TPP2: variants seen among roughly 807,000 people sequenced by gnomAD.
The protein encoded by TPP2 is tripeptidyl-peptidase 2.
In TPP2, 34 loss-of-function variants were observed where a neutral mutation model predicts 155.9. That is an observed-to-expected ratio of 0.22 (90% CI 0.17 to 0.29). TPP2 has a LOEUF of 0.29. TPP2 is among the 10% of genes least tolerant of loss of function. The probability of loss-of-function intolerance (pLI) is 1.00; values close to 1 mark genes in which losing one functional copy is unlikely to be tolerated. For missense variants in TPP2, 1,028 were observed against 1,522.3 expected (o/e 0.68, Z 5.40); for synonymous variants, 510 against 529.4 (o/e 0.96, Z 0.50).
At chr13:102,638,366 C>G in intron 15 of TPP2, 51 bp downstream of exon 15, 2 of 1,550,496 alleles carry the variant, frequency 1.3e-6, no homozygotes, top group Admixed American at 1.7e-5. Flanking sequence ...ATTTTAATGA[C>G]TATTCATGGA....
In TPP2 at chr13:102,636,401, T is replaced by C. The variant is rs1335937390; in HGVS notation, c.1678+9T>C. On this transcript the variant is annotated intron_variant, in intron 13 of 29. Transcript: ENST00000376052. ...ATTTCCGGAGAACACAGGTCAGTAA[T>C]AGGCTGGCAGTAAGCTGACGTATTC... 4 of 1,606,406 alleles carry C rather than the reference T, an allele frequency of 2.5e-6. 1 individual carries two copies. The highest frequency in any genetic ancestry group is 3.4e-6 in the Non-Finnish European group (4 of 1,177,424).
intron 16 of TPP2, among the ~76,000 whole-genome samples, chr13:102,641,126 C>G (rs1882738741): frequency 6.6e-6 from 1 of 152,192 alleles, no homozygotes; most frequent in African/African-American, 2.4e-5. Flanking sequence ...ACACAAAGCT[C>G]TTGAATTAAC....
intron 1 of TPP2, among the ~76,000 whole-genome samples, chr13:102,603,170 G>A (rs1327885215): frequency 6.6e-6 from 1 of 152,196 alleles, no homozygotes; most frequent in African/African-American, 2.4e-5. Flanking sequence ...TTAGTGCTAA[G>A]TAACTTGTGT....
At chr13:102,626,454 C>T (rs1388934455) in intron 6 of TPP2, among the ~76,000 whole-genome samples, 2 of 152,106 alleles carry the variant, frequency 1.3e-5, no homozygotes. Context: ...ACAGTGTTGC[C>T]ATGAACATTT....
chr13:102,608,272 C>T (rs1880000734), intron 2 of TPP2, among the ~76,000 whole-genome samples: 1 of 152,066 alleles, frequency 6.6e-6, no homozygotes, highest in South Asian at 2.1e-4. Context: ...AAATAACATG[C>T]TAATATTTTT....
intron 16 of TPP2, 37 bp from the exon 17 acceptor site, chr13:102,643,185 T>A: frequency 6.5e-7 from 1 of 1,532,570 alleles, no homozygotes; most frequent in South Asian, 1.3e-5. Context: ...TTAGGTCTTA[T>A]AAGTTTAAAG....
At chr13:102,607,769 T>C (rs1879955592) in intron 2 of TPP2, 3 of 344,402 alleles carry the variant, frequency 8.7e-6, no homozygotes, top group South Asian at 6.0e-5. Context: ...TTGTGTGTTT[T>C]TAGTAGAGAT....
In TPP2 at chr13:102,640,299, C is replaced by A. The variant is rs769874271; in HGVS notation, c.1943C>A (p.Ala648Asp). 32 of 1,611,810 alleles carry A rather than the reference C, an allele frequency of 2.0e-5. No individual in the cohort carries two copies. In the Admixed American group the frequency reaches 2.5e-4, roughly 13 times the overall value. The change falls in exon 16 of 30, where the codon GCC becomes GAC. Residue 648 changes from alanine to aspartate, a missense_variant. By Grantham distance (126) the Ala-to-Asp change is moderately radical (BLOSUM62 -2). Coordinates refer to ENST00000376052, the MANE Select transcript of TPP2 (RefSeq NM_001330588.2). ...KVNESSHYDL[A>D]FTDVHFKPGQ... ...AATGAATCATCACATTATGATCTAG[C>A]CTTTACAGATGTACACTTTAAACCT...
chr13:102,660,322 AAAT>A (rs1329371428), intron 25 of TPP2, among the ~76,000 whole-genome samples: 1 of 152,184 alleles, frequency 6.6e-6, no homozygotes, highest in Non-Finnish European at 1.5e-5. Flanking sequence ...CAAAAACAAA[AAAT>A]AAAATCGAAG....
At position 102,602,923 on chromosome 13, in the gene TPP2, C is replaced by T. The variant is rs76443450; in HGVS notation, c.166-1870C>T. 5.0e-3 allele frequency among the ~76,000 whole-genome samples: 743 copies of T among 149,628 alleles called. 7 individuals are homozygous for T. Among genetic ancestry groups the T allele is most frequent in the African/African-American group, 0.017 (702 of 40,862 alleles). ...TTTGTTTTTTTGTTTTTTTGTTTTT[C>T]GTTTTTTGTTTTTTTTTCAGTCGTT... On this transcript the variant is annotated intron_variant, in intron 1 of 29. Transcript: ENST00000376052.
At chr13:102,607,626 G>A (rs147716748) in intron 2 of TPP2, 13 of 443,004 alleles carry the variant, frequency 2.9e-5, no homozygotes, top group Middle Eastern at 4.9e-4. Context: ...TTACTCTGTC[G>A]CCCAGGTTGA....
intron 12 of TPP2, 145 bp downstream of exon 12, chr13:102,635,847 A>G (rs1474813402): frequency 1.5e-6 from 1 of 668,372 alleles, no homozygotes; most frequent in Non-Finnish European, 2.5e-6. Context: ...AGCAAAAAGG[A>G]TACACAAACA....
chr13:102,608,849 T>C (rs1028686418), intron 2 of TPP2, among the ~76,000 whole-genome samples: 1 of 152,166 alleles, frequency 6.6e-6, no homozygotes, highest in African/African-American at 2.4e-5. Context: ...ATATTTTGTT[T>C]AGGTGTCTAA....
At chr13:102,641,984 A>T (rs686765) in intron 16 of TPP2, among the ~76,000 whole-genome samples, 1 of 151,868 alleles carries the variant, frequency 6.6e-6, no homozygotes, top group Non-Finnish European at 1.5e-5. Context: ...ACTGGATTAG[A>T]GGGAGGCAGC....
intron 1 of TPP2, among the ~76,000 whole-genome samples, chr13:102,600,715 G>A (rs1157363135): frequency 6.6e-6 from 1 of 151,714 alleles, no homozygotes; most frequent in Non-Finnish European, 1.5e-5. Context: ...TCCTCATAGA[G>A]GGAAAAAAAA....
intron 11 of TPP2, 38 bp downstream of exon 11, chr13:102,634,136 C>T (rs1882209838): frequency 6.2e-7 from 1 of 1,607,154 alleles, no homozygotes; most frequent in Non-Finnish European, 8.5e-7. Flanking sequence ...TTATTGCAGA[C>T]CAATATTTTT....
At chr13:102,655,064 A>C in intron 24 of TPP2, 2 of 485,340 alleles carry the variant, frequency 4.1e-6, no homozygotes, top group Non-Finnish European at 8.3e-6. Context: ...AATGACAGCC[A>C]GTGGCTACAA....
intron 2 of TPP2, among the ~76,000 whole-genome samples, chr13:102,610,909 G>T (rs1323415150): frequency 6.6e-6 from 1 of 152,114 alleles, no homozygotes; most frequent in Non-Finnish European, 1.5e-5. Flanking sequence ...GAAACTTCCT[G>T]CATCCTCCTA....
At chr13:102,658,421 A>T (rs780395963) in intron 25 of TPP2, among the ~76,000 whole-genome samples, 3 of 152,200 alleles carry the variant, frequency 2.0e-5, no homozygotes, top group African/African-American at 4.8e-5. Context: ...TGATTTTAGG[A>T]TGTCATAAAC....
Sources: gnomAD v4.1 joint callset for allele counts (sites outside exome capture counted in the v4.1 genomes callset) on GRCh38, gnomAD v4.1.1 for gene constraint, MANE v1.5 for transcripts, NCBI Gene and HGNC (gene_info 2026-07-23, HGNC 2026-07-21) for gene names.